MRPS27: variants seen among roughly 807,000 people sequenced by gnomAD.
MRPS27 encodes the protein mitochondrial ribosomal protein S27.
MRPS27 carries 43 observed loss-of-function variants against 48.9 expected under a neutral mutation model. The ratio of observed to expected loss-of-function variants is 0.88; its 90% confidence interval spans 0.69 to 1.13. The LOEUF (loss-of-function observed/expected upper bound fraction) is 1.13. MRPS27 is among the 50% of genes most tolerant of loss of function. The pLI is 0.00. For missense variants in MRPS27, 467 were observed against 476.3 expected (o/e 0.98, Z 0.18); for synonymous variants, 188 against 171.9 (o/e 1.09, Z -0.73).
chr5:72,283,170 G>A (rs533613193), intron 4 of MRPS27, among the ~76,000 whole-genome samples: 1 of 152,120 alleles, frequency 6.6e-6, no homozygotes, highest in South Asian at 2.1e-4. Context: ...ATCAAAGTGG[G>A]GACTAAACTG....
chr5:72,241,731 T>C (rs556573068), intron 4 of MRPS27: 7 of 1,527,004 alleles, frequency 4.6e-6, no homozygotes, highest in African/African-American at 4.1e-5. Flanking sequence ...AACTAACACA[T>C]TGATTTTCCA....
intron 9 of MRPS27, among the ~76,000 whole-genome samples, chr5:72,224,442 T>C (rs1747841080): frequency 6.6e-6 from 1 of 152,202 alleles, no homozygotes; most frequent in South Asian, 2.1e-4. Context: ...TAAGTTCGCT[T>C]TTAGTTAGCC....
At chr5:72,250,061 TTAATTTA>T (rs1432622559) in intron 4 of MRPS27, among the ~76,000 whole-genome samples, 1 of 152,232 alleles carries the variant, frequency 6.6e-6, no homozygotes, top group African/African-American at 2.4e-5. Context: ...GTTTAGAAGG[TTAATTTA>T]TAAGCATCAT....
At chr5:72,304,243 T>TA (rs2112076216) in intron 2 of MRPS27, among the ~76,000 whole-genome samples, 1 of 149,228 alleles carries the variant, frequency 6.7e-6, no homozygotes. Flanking sequence ...GAAAAAAACG[T>TA]AAAAAACAAA....
chr5:72,252,329 CT>C (rs11342836), intron 4 of MRPS27, among the ~76,000 whole-genome samples: 25,511 of 151,310 alleles, frequency 0.17, 5,556 homozygotes, highest in African/African-American at 0.51. Context: ...AAAGAACTTG[CT>C]TTTTTTTTCT....
chr5:72,276,325 T>C (rs1749372913), intron 4 of MRPS27, among the ~76,000 whole-genome samples: 1 of 152,234 alleles, frequency 6.6e-6, no homozygotes, highest in South Asian at 2.1e-4. Flanking sequence ...AAAGATTCCC[T>C]ATTTAATAAA....
chr5:72,257,681 C>T (rs773172614), intron 4 of MRPS27, among the ~76,000 whole-genome samples: 9 of 152,054 alleles, frequency 5.9e-5, no homozygotes, highest in South Asian at 2.1e-4. Flanking sequence ...GGATTGCAGA[C>T]GTGGTGGTAA....
At chr5:72,270,572 C>T (rs1749212504) in intron 4 of MRPS27, among the ~76,000 whole-genome samples, 1 of 152,082 alleles carries the variant, frequency 6.6e-6, no homozygotes, top group Non-Finnish European at 1.5e-5. Context: ...CCAGATAATA[C>T]CTTCGGTGAA....
At chr5:72,275,884 T>C (rs1346104313) in intron 4 of MRPS27, among the ~76,000 whole-genome samples, 1 of 151,998 alleles carries the variant, frequency 6.6e-6, no homozygotes, top group African/African-American at 2.4e-5. Context: ...AAGGGGTGTC[T>C]ATAGTGAACC....
Position 72,257,813 on chromosome 5 carries a change from G to A in MRPS27, c.282-19685C>T, listed in dbSNP as rs189774496. 2.6e-3 allele frequency among the ~76,000 whole-genome samples: 403 copies of A among 152,224 alleles called. 1 individual carries two copies. Among genetic ancestry groups the A allele is most frequent in the Admixed American group, 4.6e-3 (70 of 15,280 alleles). ...GATTAAAGAATTGGAGGCTGGGTGCGATGGCTCATGCCTGTAATCCCAGCA... is the reference window on the plus strand; with the variant it reads ...GATTAAAGAATTGGAGGCTGGGTGCAATGGCTCATGCCTGTAATCCCAGCA... On this transcript the variant is annotated intron_variant, in intron 4 of 10. Transcript: ENST00000261413.
At chr5:72,234,239 A>C in intron 5 of MRPS27, 42 bp from the exon 6 acceptor site, 1 of 1,386,726 alleles carries the variant, frequency 7.2e-7, no homozygotes, top group Non-Finnish European at 9.5e-7. Context: ...AGAGAAAATT[A>C]TCTAATTTAG....
intron 2 of MRPS27, among the ~76,000 whole-genome samples, chr5:72,301,580 C>G (rs1023792424): frequency 1.3e-5 from 2 of 152,186 alleles, no homozygotes; most frequent in African/African-American, 4.8e-5. Flanking sequence ...TATAACCAAA[C>G]TCTGGAATAA....
At chr5:72,257,075 G>C (rs1345546517) in intron 4 of MRPS27, among the ~76,000 whole-genome samples, 1 of 152,064 alleles carries the variant, frequency 6.6e-6, no homozygotes, top group African/African-American at 2.4e-5. Flanking sequence ...TCAAACCTAA[G>C]GTATCCCAGG....
intron 4 of MRPS27, among the ~76,000 whole-genome samples, chr5:72,262,743 CT>C (rs1240180713): frequency 4.0e-5 from 6 of 151,358 alleles, no homozygotes; most frequent in African/African-American, 1.5e-4. Context: ...AAAGTGAGGT[CT>C]TTTTTTTATT....
chr5:72,239,836 T>C (rs1211708230), intron 4 of MRPS27, among the ~76,000 whole-genome samples: 1 of 152,196 alleles, frequency 6.6e-6, no homozygotes, highest in African/African-American at 2.4e-5. Flanking sequence ...CATGCCACTA[T>C]GCTCAGCTTA....
At chr5:72,290,945 C>T (rs969239293) in intron 4 of MRPS27, among the ~76,000 whole-genome samples, 3 of 152,164 alleles carry the variant, frequency 2.0e-5, no homozygotes, top group African/African-American at 7.2e-5. Flanking sequence ...AGCATGACTT[C>T]TTACCTCACC....
chr5:72,239,890 T>A (rs1337645313), intron 4 of MRPS27, among the ~76,000 whole-genome samples: 1 of 152,200 alleles, frequency 6.6e-6, no homozygotes, highest in Non-Finnish European at 1.5e-5. Flanking sequence ...CAGGCAACAT[T>A]TTCAAATCAA....
At chr5:72,225,980 CAATG>C in intron 9 of MRPS27, 73 bp downstream of exon 9, 1 of 1,512,036 alleles carries the variant, frequency 6.6e-7, no homozygotes, top group East Asian at 2.3e-5. Flanking sequence ...AGTGGAAAGA[CAATG>C]AAAACAAATT....
chr5:72,223,930 A>G, intron 9 of MRPS27, 80 bp from the exon 10 acceptor site: 1 of 1,380,184 alleles, frequency 7.2e-7, no homozygotes, highest in South Asian at 1.3e-5. Flanking sequence ...GAGAAGGCGA[A>G]AGAAAGGAAG....
Sources: gnomAD v4.1 joint callset for allele counts (sites outside exome capture counted in the v4.1 genomes callset) on GRCh38, gnomAD v4.1.1 for gene constraint, MANE v1.5 for transcripts, NCBI Gene and HGNC (gene_info 2026-07-23, HGNC 2026-07-21) for gene names.